The following ARID4A variants were observed in gnomAD, a reference collection of about 807,000 sequenced individuals.
ARID4A encodes the protein AT-rich interactive domain-containing protein 4A.
Under a neutral mutation model 148.6 loss-of-function variants are expected in ARID4A, and 39 were observed. The ratio of observed to expected loss-of-function variants is 0.26; its 90% CI spans 0.20 to 0.34. The LOEUF is 0.34. Ranked by LOEUF, ARID4A falls within the 10% of genes least tolerant of loss-of-function variation. The pLI, the probability that ARID4A is intolerant of heterozygous loss-of-function variation, is 1.00. For missense variants in ARID4A, 1,265 were observed against 1,449.1 expected, an observed-to-expected ratio of 0.87 and a Z score of 2.06; for synonymous variants, 475 against 481.2, an observed-to-expected ratio of 0.99 and a Z score of 0.17.
chr14:58,354,337 A>G (rs906259898), intron 17 of ARID4A, among the ~76,000 whole-genome samples: 5 of 152,228 alleles, frequency 3.3e-5, no homozygotes, highest in African/African-American at 1.2e-4. Flanking sequence ...ACTAATTAAT[A>G]AAAAAGAACG....
Position 58,373,700 on chromosome 14 carries a change from G to A in ARID4A, c.*1711G>A, listed in dbSNP as rs1045759686. On this transcript the variant is annotated 3_prime_UTR_variant, in exon 24 of 24. Transcript: ENST00000355431. ...ATGTAAAATAAAAATGGAGCTCAGT[G>A]GGCAGTATTAATAAAGGCCATGTTT... The A allele has an allele frequency of 6.1e-4, 106 of 173,552 alleles. No homozygotes were observed. The highest frequency in any genetic ancestry group is 2.5e-3 in the African/African-American group (105 of 42,106). The allele number at this position is 173,552 out of a possible 1,614,324, so 10.8% of individuals were successfully genotyped here. A position where few individuals can be genotyped will look rare whatever the true frequency, so the allele number is the denominator to read the frequency against.
chr14:58,366,527 A>G (rs1594970592), intron 22 of ARID4A, among the ~76,000 whole-genome samples: 1 of 152,204 alleles, frequency 6.6e-6, no homozygotes, highest in African/African-American at 2.4e-5. Context: ...AGAAATAGCC[A>G]GTAGTTATTT....
At chr14:58,356,266 A>G (rs1391525542) in intron 17 of ARID4A, among the ~76,000 whole-genome samples, 1 of 152,040 alleles carries the variant, frequency 6.6e-6, no homozygotes. Flanking sequence ...GTTGTCTGAT[A>G]CCTCCTATGG....
At position 58,330,161 on chromosome 14, in the gene ARID4A, G is replaced by C; in HGVS notation, c.898G>C (p.Glu300Gln). The C allele has an allele frequency of 6.2e-7, 1 of 1,611,102 alleles. No individual in the cohort carries two copies. The highest frequency in any genetic ancestry group is 1.1e-5 in the South Asian group (1 of 90,508). The change falls in exon 11 of 24, where the codon GAA becomes CAA. Residue 300 changes from glutamate (E) to glutamine (Q), a missense_variant. Transcript: ENST00000355431. The part of the protein sequence containing the change: ...EKEKEAKKTE[E>Q]EVPEEELDPE... The stretch of plus-strand genomic sequence containing the variant: ...GGAAAAGGAGGCCAAAAAGACAGAA[G>C]AAGAGGTGGTAGGTGTAATTTCATG...
At chr14:58,311,702 A>G in intron 5 of ARID4A, among the ~76,000 whole-genome samples, 1 of 152,222 alleles carries the variant, frequency 6.6e-6, no homozygotes, top group East Asian at 1.9e-4. Flanking sequence ...CTATGAGCAG[A>G]TGAATGTATA....
Position 58,365,189 on chromosome 14 carries a change from G to A in ARID4A, c.3100G>A (p.Glu1034Lys), listed in dbSNP as rs751553372. 3 of 1,614,124 alleles carry A rather than the reference G, an allele frequency of 1.9e-6. No homozygotes were observed. Among genetic ancestry groups the A allele is most frequent in the Non-Finnish European group, 2.5e-6 (3 of 1,180,016 alleles). ...DITIEVDSIA[E>K]ESQEGLCERE... is the part of the protein sequence containing the mutation. ...AACGATTGAAGTTGATAGTATTGCT[G>A]AAGAATCTCAAGAAGGTCTCTGTGA... The change falls in exon 20 of 24, where the codon GAA (glutamate) becomes AAA (lysine). Residue 1034 changes from glutamate to lysine, a missense_variant. Glu to Lys is a moderately conservative substitution (Grantham distance 56). Around this residue, in one of 9 missense-constraint regions of ARID4A, gnomAD observed 666 missense variants for 730.9 expected, o/e 0.91. Transcript: ENST00000355431.
intron 18 of ARID4A, among the ~76,000 whole-genome samples, chr14:58,359,684 A>G (rs1054048781): frequency 2.6e-5 from 4 of 152,200 alleles, no homozygotes; most frequent in Admixed American, 2.0e-4. Context: ...TATAATTGGA[A>G]TCATACACCA....
chr14:58,350,986 T>A, intron 15 of ARID4A, 87 bp from the exon 16 acceptor site: 2 of 1,375,894 alleles, frequency 1.5e-6, no homozygotes, highest in Admixed American at 2.6e-5. Context: ...GAGACATTGC[T>A]ATGAAGGTTA....
intron 11 of ARID4A, among the ~76,000 whole-genome samples, chr14:58,330,969 CAATG>C (rs777268403): frequency 2.6e-5 from 4 of 152,014 alleles, no homozygotes; most frequent in Non-Finnish European, 5.9e-5. Flanking sequence ...AAGACAAAGA[CAATG>C]AATTTACTGA....
Position 58,360,815 on chromosome 14 carries a change from TGAGA to T in ARID4A, c.1939-85_1939-82del. 7.2e-6 allele frequency: 10 copies of T among 1,379,926 alleles called. No individual in the cohort carries two copies. The Admixed American group carries it at 1.7e-4, about 23-fold the overall frequency. The allele number at this position is 1,379,926 out of a possible 1,614,324, so 85.5% of individuals were successfully genotyped here. Reference sequence around the variant, plus strand: ...GACATATAAAATATCAAACCTTTTTTGAGATGTAGTTTTCTTTGGATAAGTAGAA... The same window carrying T: ...GACATATAAAATATCAAACCTTTTTTTGTAGTTTTCTTTGGATAAGTAGAA... On this transcript the variant is annotated intron_variant, in intron 18 of 23. Coordinates refer to ENST00000355431, the MANE Select transcript of ARID4A (RefSeq NM_002892.4).
rs536531587 is a variant in ARID4A, at chr14:58,346,319, A to T, written c.980-92A>T. The T allele has an allele frequency of 3.6e-4, 294 of 819,894 alleles. 1 individual carries two copies. The highest frequency in any genetic ancestry group is 1.3e-3 in the Admixed American group (51 of 39,086). The allele number at this position is 819,894 out of a possible 1,614,324, so 50.8% of individuals were successfully genotyped here. A position where few individuals can be genotyped will look rare whatever the true frequency, so the allele number is the denominator to read the frequency against. ...TTAAATATGTGCCTCTAATTAATGA[A>T]ATTGGGGAAATTAGAAATTGACCGC... On this transcript the variant is annotated intron_variant, in intron 12 of 23. Transcript: ENST00000355431.
At chr14:58,303,048 A>G (rs986194439) in intron 3 of ARID4A, among the ~76,000 whole-genome samples, 9 of 152,010 alleles carry the variant, frequency 5.9e-5, no homozygotes, top group African/African-American at 2.2e-4. Flanking sequence ...ATATGAATAT[A>G]TTTTTAATAG....
At chr14:58,367,096 A>C in intron 23 of ARID4A, 67 bp downstream of exon 23, 2 of 1,211,374 alleles carry the variant, frequency 1.7e-6, no homozygotes, top group Non-Finnish European at 2.2e-6. Context: ...AGAAGATTTA[A>C]ATTTGATACT....
intron 20 of ARID4A, 32 bp from the exon 21 acceptor site, chr14:58,365,486 T>TTTTTAAAAAA: frequency 7.8e-7 from 1 of 1,275,786 alleles, no homozygotes; most frequent in Non-Finnish European, 1.1e-6. Flanking sequence ...TTTTTTTTTT[T>TTTTTAAAAAA]TTTCAACATT....
intron 19 of ARID4A, among the ~76,000 whole-genome samples, chr14:58,362,740 C>G (rs1301923519): frequency 6.6e-6 from 1 of 151,898 alleles, no homozygotes; most frequent in African/African-American, 2.4e-5. Flanking sequence ...GTATTTTTAG[C>G]AGCAATAGGG....
chr14:58,319,574 TTGTC>T (rs2032718396), intron 7 of ARID4A, among the ~76,000 whole-genome samples: 1 of 106,412 alleles, frequency 9.4e-6, no homozygotes, highest in Non-Finnish European at 1.7e-5. Context: ...GAGATGGAGT[TTGTC>T]TGTGCCACCA....
intron 11 of ARID4A, among the ~76,000 whole-genome samples, chr14:58,340,743 C>A (rs911549366): frequency 1.3e-5 from 2 of 152,102 alleles, no homozygotes; most frequent in African/African-American, 2.4e-5. Context: ...TCTTGGCCCC[C>A]CAAAGTGCTG....
chr14:58,365,228 A>C lies in ARID4A; in HGVS notation c.3139A>C (p.Asn1047His). 6.2e-7 allele frequency: 1 copy of C among 1,614,136 alleles called. No homozygotes were observed. The highest frequency in any genetic ancestry group is 1.7e-5 in the Admixed American group (1 of 60,020). ...QEGLCERESA[N>H]GFETNVASGT... is the part of the protein sequence containing the mutation. ...AGGTCTCTGTGAGAGGGAATCGGCA[A>C]ATGGATTTGAAACTAATGTTGCCTC... The change falls in exon 20 of 24, where the codon AAT (asparagine) becomes CAT (histidine). Residue 1047 changes from asparagine (N) to histidine (H), a missense_variant. By Grantham distance (68) the Asn-to-His change is moderately conservative. Transcript: ENST00000355431.
intron 2 of ARID4A, 118 bp from the exon 3 acceptor site, chr14:58,301,462 T>C (rs2031162532): frequency 6.7e-6 from 4 of 597,566 alleles, no homozygotes; most frequent in East Asian, 3.0e-5. Flanking sequence ...TTCAATGATA[T>C]TAATAAGCAA....
Sources: gnomAD v4.1 joint callset for allele counts (sites outside exome capture counted in the v4.1 genomes callset) on GRCh38, gnomAD v4.1.1 for gene constraint, gnomAD v4.1.1 regional missense constraint, MANE v1.5 for transcripts, NCBI Gene and HGNC (gene_info 2026-07-23, HGNC 2026-07-21) for gene names.